TMEM132C: variants seen among roughly 807,000 people sequenced by gnomAD.
TMEM132C encodes transmembrane protein 132C, also known as protein phosphatase 1, regulatory subunit 152.
Under a neutral mutation model 61.4 loss-of-function variants are expected in TMEM132C, and 29 were observed. That is an observed-to-expected ratio of 0.47 (90% CI 0.35 to 0.64). The LOEUF is 0.64. TMEM132C is among the 30% of genes least tolerant of loss of function. The probability of loss-of-function intolerance (pLI) is 0.00; values close to 1 mark genes in which losing one functional copy is unlikely to be tolerated. For synonymous variants in TMEM132C, 656 were observed against 633.1 expected (o/e 1.04, Z -0.54); for missense variants, 1,408 against 1,476.9 (o/e 0.95, Z 0.76).
intron 1 of TMEM132C, among the ~76,000 whole-genome samples, chr12:128,296,568 CTCTCTGTCTTTCT>C (rs1156937210): frequency 6.6e-6 from 1 of 152,180 alleles, no homozygotes; most frequent in Non-Finnish European, 1.5e-5. Flanking sequence ...TCTGTCTTTC[CTCTCTGTCTTTCT>C]GGTCATATTT....
chr12:128,380,554 G>A (rs544832041), intron 1 of TMEM132C, among the ~76,000 whole-genome samples: 12 of 152,266 alleles, frequency 7.9e-5, no homozygotes, highest in East Asian at 1.9e-4. Context: ...CATTATTCAC[G>A]GTAGGTATCT....
chr12:128,321,869 A>G (rs1015920726), intron 1 of TMEM132C, among the ~76,000 whole-genome samples: 1 of 152,160 alleles, frequency 6.6e-6, no homozygotes, highest in African/African-American at 2.4e-5. Context: ...TCTTTGGCCT[A>G]TTGCCTAACT....
At chr12:128,536,503 C>T (rs969271790) in intron 2 of TMEM132C, among the ~76,000 whole-genome samples, 1 of 150,368 alleles carries the variant, frequency 6.7e-6, no homozygotes, top group Non-Finnish European at 1.5e-5. Context: ...CACTTGTGCA[C>T]GTGTACCCTA....
In TMEM132C at chr12:128,326,444, GAT is replaced by G. The variant is rs1872519779; in HGVS notation, c.85+58960_85+58961del. On this transcript the variant is annotated intron_variant, in intron 1 of 8. Transcript: ENST00000435159. This position sits in a 1 kb window ranked among gnomAD's most constrained non-coding sequence, Gnocchi z 5.6. ...CTGACGCTTATCCCCCTCTGGTTCA[GAT>G]ATCTTTGCAAAGGCAGATGTACAAA... Among the ~76,000 whole-genome samples, 1 of 152,250 alleles carries G rather than the reference GAT, an allele frequency of 6.6e-6. No individual in the cohort carries two copies. Among genetic ancestry groups the G allele is most frequent in the Admixed American group, 6.5e-5 (1 of 15,282 alleles).
chr12:128,483,298 AGAGGGGGAGGT>A (rs1871372615), intron 2 of TMEM132C, among the ~76,000 whole-genome samples: 2 of 166 alleles, frequency 0.012, no homozygotes, highest in African/African-American at 0.045. Flanking sequence ...AAAGAAAGAG[AGAGGGGGAGGT>A]GAGGGGAGAG....
intron 2 of TMEM132C, among the ~76,000 whole-genome samples, chr12:128,484,688 G>A (rs566683334): frequency 1.8e-4 from 27 of 152,126 alleles, no homozygotes; most frequent in Non-Finnish European, 3.2e-4. Flanking sequence ...GCAGCGTGGC[G>A]ACTCATGCCT....
intron 2 of TMEM132C, among the ~76,000 whole-genome samples, chr12:128,485,224 T>A (rs1293580967): frequency 6.6e-6 from 1 of 152,210 alleles, no homozygotes; most frequent in African/African-American, 2.4e-5. Flanking sequence ...TTGCCCAGGC[T>A]GGAGTGCAGT....
intron 7 of TMEM132C, 90 bp from the exon 8 acceptor site, chr12:128,697,134 C>G: frequency 8.2e-7 from 1 of 1,214,448 alleles, no homozygotes; most frequent in South Asian, 1.6e-5. Flanking sequence ...GACCTCAGGC[C>G]TGTTGGGATG....
chr12:128,680,162 T>C (rs1208216943), intron 5 of TMEM132C, among the ~76,000 whole-genome samples: 1 of 152,196 alleles, frequency 6.6e-6, no homozygotes, highest in African/African-American at 2.4e-5. Context: ...TGTTTTACTC[T>C]CAGAGCAATA....
intron 4 of TMEM132C, among the ~76,000 whole-genome samples, chr12:128,665,204 T>C (rs1422159962): frequency 7.3e-6 from 1 of 137,762 alleles, no homozygotes; most frequent in African/African-American, 2.8e-5. Context: ...TGCACCCATA[T>C]GTAAACAGAC....
intron 3 of TMEM132C, among the ~76,000 whole-genome samples, chr12:128,580,007 G>A (rs182767663): frequency 1.7e-3 from 264 of 152,258 alleles, no homozygotes; most frequent in Middle Eastern, 0.01. Context: ...TGTGACACAC[G>A]TGTTCGCAGG....
At chr12:128,368,460 G>A (rs58519472) in intron 1 of TMEM132C, among the ~76,000 whole-genome samples, 1,901 of 152,258 alleles carry the variant, frequency 0.012, 32 homozygotes, top group African/African-American at 0.043. Flanking sequence ...CTAAAGTAGC[G>A]AAGATGATAA....
In TMEM132C at chr12:128,706,512, C is replaced by T. The variant is rs1480312398; in HGVS notation, c.*217C>T. On this transcript the variant is annotated 3_prime_UTR_variant, in exon 9 of 9. Coordinates refer to ENST00000435159, the MANE Select transcript of TMEM132C (RefSeq NM_001136103.3). ...TTTTTAAAGGTCAGGGGAATAAAGT[C>T]TGGGGCATGGGGAGTGCAGACCAAG... is the stretch of plus-strand genomic sequence containing the variant. 3 of 576,656 alleles carry T rather than the reference C, an allele frequency of 5.2e-6. No individual in the cohort carries two copies. In the African/African-American group the frequency reaches 5.6e-5, roughly 11 times the overall value. The allele number at this position is 576,656 out of a possible 1,614,324, so 35.7% of individuals were successfully genotyped here.
At chr12:128,424,013 C>G (rs1453157837) in intron 2 of TMEM132C, among the ~76,000 whole-genome samples, 2 of 138,750 alleles carry the variant, frequency 1.4e-5, no homozygotes, top group Non-Finnish European at 3.0e-5. Context: ...TGCCACTGCA[C>G]TCCAGCCTGG....
chr12:128,524,802 G>A (rs559730802), intron 2 of TMEM132C, among the ~76,000 whole-genome samples: 60 of 152,228 alleles, frequency 3.9e-4, no homozygotes, highest in African/African-American at 1.3e-3. Flanking sequence ...AGATGTGGAC[G>A]GACTTAGGGT....
chr12:128,651,367 A>C (rs904663773), intron 4 of TMEM132C, among the ~76,000 whole-genome samples: 1 of 152,162 alleles, frequency 6.6e-6, no homozygotes, highest in Non-Finnish European at 1.5e-5. Flanking sequence ...CAGGGTCCTG[A>C]TGGTGCTCCT....
chr12:128,488,321 A>G (rs909219111), intron 2 of TMEM132C, among the ~76,000 whole-genome samples: 2 of 152,174 alleles, frequency 1.3e-5, no homozygotes, highest in Non-Finnish European at 2.9e-5. Flanking sequence ...ATTTATTATT[A>G]CCTGGCAAAT....
intron 1 of TMEM132C, among the ~76,000 whole-genome samples, chr12:128,410,385 A>ATATATG (rs980559291): frequency 2.0e-5 from 3 of 152,048 alleles, no homozygotes; most frequent in Admixed American, 2.0e-4. Context: ...ACACACACAT[A>ATATATG]TATATGTATA....
Position 128,512,202 on chromosome 12 carries a change from C to T in TMEM132C, c.975-31755C>T, listed in dbSNP as rs540740154. ...GAGACGCCTTGCTTCCCTTCCTGGG[C>T]CTCTCCATCTCAGCGCCCACCCCCA... is the stretch of plus-strand genomic sequence containing the variant. On this transcript the variant is annotated intron_variant, in intron 2 of 8. Transcript: ENST00000435159. Among the ~76,000 whole-genome samples the T allele has an allele frequency of 2.3e-4, 35 of 152,214 alleles. 2 individuals are homozygous for T. In the South Asian group the frequency reaches 5.4e-3, roughly 23 times the overall value.
Sources: allele counts gnomAD v4.1 joint callset (sites outside exome capture counted in the v4.1 genomes callset), GRCh38; gene constraint gnomAD v4.1.1; non-coding constraint Gnocchi (gnomAD v3.1); transcripts MANE v1.5; gene names NCBI Gene and HGNC (gene_info 2026-07-23, HGNC 2026-07-21).